Variants in ATP9A observed in about 807,000 individuals in gnomAD.
ATP9A encodes probable phospholipid-transporting ATPase IIA.
Under a neutral mutation model 144.1 loss-of-function variants are expected in ATP9A, and 52 were observed. The ratio of observed to expected loss-of-function variants is 0.36; its 90% CI spans 0.29 to 0.45. The LOEUF is 0.45. Among genes scored for constraint, ATP9A ranks in the 20% least tolerant of loss-of-function variants. ATP9A has a pLI of 1.00. For missense variants in ATP9A, 947 were observed against 1,392.7 expected, an observed-to-expected ratio of 0.68 and a Z score of 5.09; for synonymous variants, 582 against 557.4, an observed-to-expected ratio of 1.04 and a Z score of -0.62.
At chr20:51,636,331 T>C (rs1601072230) in intron 15 of ATP9A, among the ~76,000 whole-genome samples, 2 of 152,254 alleles carry the variant, frequency 1.3e-5, no homozygotes. Flanking sequence ...AACTTATGAA[T>C]TGCTTATTTC....
intron 26 of ATP9A, among the ~76,000 whole-genome samples, chr20:51,605,879 C>G (rs2077161354): frequency 6.6e-6 from 1 of 151,156 alleles, no homozygotes; most frequent in African/African-American, 2.4e-5. Flanking sequence ...TGCCACTGCA[C>G]TCCAGCCTGG....
rs184319781 is a variant in ATP9A, at chr20:51,750,150, C to T, written c.68+18152G>A. Among the ~76,000 whole-genome samples the T allele has an allele frequency of 1.8e-3, 280 of 152,058 alleles. 2 individuals are homozygous for T. The highest frequency in any genetic ancestry group is 6.3e-3 in the African/African-American group (260 of 41,466). On this transcript the variant is annotated intron_variant, in intron 1 of 27. Coordinates refer to ENST00000338821, the MANE Select transcript of ATP9A (RefSeq NM_006045.3). ...CAGCCTGGGTGACAAAGCAAGACTC[C>T]GTCTCCAAAATAAATAAAAATAATA...
intron 15 of ATP9A, among the ~76,000 whole-genome samples, chr20:51,637,949 A>C (rs767370444): frequency 6.6e-6 from 1 of 150,560 alleles, no homozygotes; most frequent in South Asian, 2.1e-4. Context: ...GAGTGAGAAC[A>C]TACGACATTT....
intron 9 of ATP9A, among the ~76,000 whole-genome samples, chr20:51,682,768 T>C (rs1298509972): frequency 2.0e-5 from 3 of 149,832 alleles, no homozygotes; most frequent in Non-Finnish European, 3.0e-5. Flanking sequence ...ATTTTTTGTA[T>C]TTTTAGTAGA....
At chr20:51,628,486 T>C (rs1055661602) in intron 16 of ATP9A, among the ~76,000 whole-genome samples, 6 of 152,224 alleles carry the variant, frequency 3.9e-5, no homozygotes, top group Admixed American at 6.5e-5. Flanking sequence ...AGACAGTGAC[T>C]TCCATCTTGT....
intron 14 of ATP9A, among the ~76,000 whole-genome samples, chr20:51,648,066 A>C (rs1376190233): frequency 6.6e-6 from 1 of 151,998 alleles, no homozygotes; most frequent in Non-Finnish European, 1.5e-5. Flanking sequence ...TGGTGGTAAA[A>C]CTCCAACACC....
intron 6 of ATP9A, 72 bp downstream of exon 6, chr20:51,696,021 T>G (rs538225710): frequency 7.2e-7 from 1 of 1,380,098 alleles, no homozygotes; most frequent in Non-Finnish European, 1.0e-6. Context: ...TGTGACATTT[T>G]CAAATGATTA....
At chr20:51,697,374 T>A (rs1353723314) in intron 5 of ATP9A, 50 bp downstream of exon 5, 1 of 1,560,006 alleles carries the variant, frequency 6.4e-7, no homozygotes, top group Admixed American at 1.7e-5. Flanking sequence ...AAATGACACA[T>A]TAGGACCCAT....
chr20:51,768,206 G>T (rs2077914126), intron 1 of ATP9A, 96 bp downstream of exon 1: 2 of 763,148 alleles, frequency 2.6e-6, no homozygotes, highest in African/African-American at 1.9e-5. Context: ...CGCCGGGCGC[G>T]GCGCGCGGCC....
intron 1 of ATP9A, among the ~76,000 whole-genome samples, chr20:51,737,787 G>T (rs1329648221): frequency 1.3e-5 from 2 of 152,098 alleles, no homozygotes; most frequent in Non-Finnish European, 2.9e-5. Context: ...TTTTGAACTT[G>T]TATGCTTCAA....
At chr20:51,767,822 A>T (rs1371132392) in intron 1 of ATP9A, among the ~76,000 whole-genome samples, 2 of 152,192 alleles carry the variant, frequency 1.3e-5, no homozygotes, top group Non-Finnish European at 2.9e-5. Flanking sequence ...AGGGGCGCTG[A>T]TGGGGTACCC....
chr20:51,740,481 G>A (rs113049780), intron 1 of ATP9A, among the ~76,000 whole-genome samples: 16 of 2,752 alleles, frequency 5.8e-3, no homozygotes, highest in South Asian at 0.015. Context: ...AGGTCAAGGC[G>A]GGTGGATTAC....
rs188317533 is a variant in ATP9A, at chr20:51,636,919, G to A, written c.1668+2424C>T. On this transcript the variant is annotated intron_variant, in intron 15 of 27. Coordinates refer to ENST00000338821, the MANE Select transcript of ATP9A (RefSeq NM_006045.3). ...AGCCTCGCCAACATGGCAAAACCCC[G>A]TCTCTACTAATAATACAAAAAATTA... Among the ~76,000 whole-genome samples the A allele has an allele frequency of 1.4e-3, 211 of 152,228 alleles. 2 individuals are homozygous for A. Among genetic ancestry groups the A allele is most frequent in the African/African-American group, 4.6e-3 (190 of 41,544 alleles).
At chr20:51,663,795 G>GCA in intron 13 of ATP9A, among the ~76,000 whole-genome samples, 1 of 114,852 alleles carries the variant, frequency 8.7e-6, no homozygotes, top group East Asian at 2.5e-4. Flanking sequence ...CTCCGTCTCA[G>GCA]AAAAAAAAAA....
intron 3 of ATP9A, among the ~76,000 whole-genome samples, chr20:51,720,836 A>C (rs2077685799): frequency 6.6e-6 from 1 of 152,180 alleles, no homozygotes; most frequent in African/African-American, 2.4e-5. Flanking sequence ...TCTGTCTCAC[A>C]AAAAACAAAA....
chr20:51,682,910 G>A (rs529367251), intron 9 of ATP9A, among the ~76,000 whole-genome samples: 37 of 148,790 alleles, frequency 2.5e-4, no homozygotes, highest in African/African-American at 9.1e-4. Flanking sequence ...GACCAACATG[G>A]TAAAACCTCA....
At chr20:51,708,329 A>G (rs2077623279) in intron 4 of ATP9A, among the ~76,000 whole-genome samples, 1 of 152,012 alleles carries the variant, frequency 6.6e-6, no homozygotes, top group Non-Finnish European at 1.5e-5. Flanking sequence ...TGATTGAAAT[A>G]AAATTATCTA....
chr20:51,696,265 T>G, intron 5 of ATP9A, 121 bp from the exon 6 acceptor site: 1 of 706,992 alleles, frequency 1.4e-6, no homozygotes, highest in Non-Finnish European at 2.5e-6. Context: ...GGACTGAAAC[T>G]CACAGACTCT....
chr20:51,688,968 C>T, intron 9 of ATP9A, 96 bp downstream of exon 9: 1 of 1,304,214 alleles, frequency 7.7e-7, no homozygotes, highest in Non-Finnish European at 1.1e-6. Flanking sequence ...TTTGACCGAG[C>T]ACTCATTTTT....
Sources: gnomAD v4.1 joint callset for allele counts (sites outside exome capture counted in the v4.1 genomes callset) on GRCh38, gnomAD v4.1.1 for gene constraint, MANE v1.5 for transcripts, NCBI Gene and HGNC (gene_info 2026-07-23, HGNC 2026-07-21) for gene names.